MAP9: variants seen among roughly 807,000 people sequenced by gnomAD.
The protein encoded by MAP9 is microtubule associated protein 9, also known as microtubule-associated protein 9.
Under a neutral mutation model 75.2 loss-of-function variants are expected in MAP9, and 80 were observed. The ratio of observed to expected loss-of-function variants is 1.06; its 90% CI spans 0.89 to 1.28. The LOEUF is 1.28. Among genes scored for constraint, MAP9 ranks in the 50% most tolerant of loss-of-function variants. MAP9 has a pLI of 0.00. For missense variants in MAP9, 753 were observed against 719.9 expected (o/e 1.05, Z -0.53); for synonymous variants, 235 against 237.3 (o/e 0.99, Z 0.09).
Position 155,346,236 on chromosome 4 carries a change from A to G in MAP9, c.*1547T>C, listed in dbSNP as rs980290841. Reference sequence around the variant, plus strand: ...TTGCTGAGTTTTCTGATATTCTGATAGTAGTTATAAGATGCCTGAGTAACT... The same window carrying G: ...TTGCTGAGTTTTCTGATATTCTGATGGTAGTTATAAGATGCCTGAGTAACT... On this transcript the variant is annotated 3_prime_UTR_variant, in exon 14 of 14. Coordinates refer to ENST00000311277, the MANE Select transcript of MAP9 (RefSeq NM_001039580.2). 6.6e-6 allele frequency: 1 copy of G among 152,174 alleles called. No individual in the cohort carries two copies. Among genetic ancestry groups the G allele is most frequent in the Non-Finnish European group, 1.5e-5 (1 of 68,028 alleles). 9.4% of individuals were successfully genotyped at this position (152,174 alleles called of 1,614,324 possible). A position where few individuals can be genotyped will look rare whatever the true frequency, so the allele number is the denominator to read the frequency against.
chr4:155,359,848 G>C (rs1731985949), intron 7 of MAP9, among the ~76,000 whole-genome samples: 2 of 151,892 alleles, frequency 1.3e-5, no homozygotes, highest in Non-Finnish European at 2.9e-5. Context: ...AATTATTCCA[G>C]ACAGTTATAT....
chr4:155,350,351 C>T (rs1282559954), intron 13 of MAP9: 5 of 354,948 alleles, frequency 1.4e-5, no homozygotes, highest in Non-Finnish European at 2.7e-5. Flanking sequence ...AGATATCAAA[C>T]ATGTTATTTT....
rs774350296 is a variant in MAP9 at position 155,344,925 on chromosome 4, T to G, written c.*2858A>C. 1.3e-5 allele frequency: 2 copies of G among 151,984 alleles called. No individual in the cohort carries two copies. Among genetic ancestry groups the G allele is most frequent in the African/African-American group, 2.4e-5 (1 of 41,458 alleles). The allele number at this position is 151,984 out of a possible 1,614,324, so 9.4% of individuals were successfully genotyped here. A position where few individuals can be genotyped will look rare whatever the true frequency, so the allele number is the denominator to read the frequency against. ...TTTACTTTGAGATCTCTGCATTCTT[T>G]AAGTGATCAACGCAATTTATAAAAC... On this transcript the variant is annotated 3_prime_UTR_variant, in exon 14 of 14. Transcript: ENST00000311277.
chr4:155,363,725 T>C (rs1308176451), intron 5 of MAP9, among the ~76,000 whole-genome samples: 1 of 151,932 alleles, frequency 6.6e-6, no homozygotes, highest in Non-Finnish European at 1.5e-5. Context: ...ACAAAATAAT[T>C]TAATACAATT....
chr4:155,370,846 TTA>T (rs1386079958), intron 4 of MAP9, among the ~76,000 whole-genome samples: 3 of 152,176 alleles, frequency 2.0e-5, no homozygotes, highest in Non-Finnish European at 4.4e-5. Context: ...ATCAGAACAT[TTA>T]TAGAGTGCTA....
At chr4:155,357,579 G>C in intron 7 of MAP9, 60 bp from the exon 8 acceptor site, 1 of 957,266 alleles carries the variant, frequency 1.0e-6, no homozygotes, top group Non-Finnish European at 1.7e-6. Context: ...TTTAGGCTTA[G>C]AAGCCAAACT....
Position 155,375,647 on chromosome 4 carries a change from ATG to A in MAP9, c.75+127_75+128del, listed in dbSNP as rs201733538. On this transcript the variant is annotated intron_variant, in intron 2 of 13. Coordinates refer to ENST00000311277, the MANE Select transcript of MAP9 (RefSeq NM_001039580.2). ...TACTGGATGGAGCCCAAACATGATC[ATG>A]TGCAAAACCTCAAAAGTAATATAAG... 329 of 502,000 alleles carry A rather than the reference ATG, an allele frequency of 6.6e-4. 1 individual carries two copies. Among genetic ancestry groups the A allele is most frequent in the African/African-American group, 5.9e-3 (301 of 50,698 alleles). The allele number at this position is 502,000 out of a possible 1,614,324, so 31.1% of individuals were successfully genotyped here.
Position 155,347,822 on chromosome 4 carries a change from C to T in MAP9, c.1905G>A (p.Trp635Ter). 6.2e-7 allele frequency: 1 copy of T among 1,610,712 alleles called. No individual in the cohort carries two copies. Among genetic ancestry groups the T allele is most frequent in the Non-Finnish European group, 8.5e-7 (1 of 1,178,254 alleles). ...SFLESEALPP[W>*]SPPSRTVFAK... ...CGAACACAGTTCTGCTTGGAGGGCT[C>T]CACGGAGGAAGTGCCTCACTTTCAA... The change falls in exon 14 of 14, where the codon TGG becomes TGA. Residue 635 changes from tryptophan to a stop codon, truncating the protein, a stop_gained. Coordinates refer to ENST00000311277, the MANE Select transcript of MAP9 (RefSeq NM_001039580.2). LOFTEE classifies it high-confidence loss of function.
chr4:155,350,134 A>C, intron 13 of MAP9: 1 of 330,418 alleles, frequency 3.0e-6, no homozygotes, highest in Non-Finnish European at 5.8e-6. Flanking sequence ...TTACCCACCA[A>C]ATGCTTACTG....
chr4:155,368,248 AC>A, intron 5 of MAP9: 1 of 403,618 alleles, frequency 2.5e-6, no homozygotes, highest in Non-Finnish European at 4.4e-6. Flanking sequence ...TTAAAGATAA[AC>A]ACTATTATAT....
In MAP9 at chr4:155,360,210, A is replaced by C. The variant is rs751679266; in HGVS notation, c.1008T>G (p.Ser336=). Residue 336 remains serine, a synonymous_variant, in exon 7 of 14, where the codon TCT becomes TCG. Coordinates refer to ENST00000311277, the MANE Select transcript of MAP9 (RefSeq NM_001039580.2). ...CACTGGTAGATATTAAGATACTCTG[A>C]GATTTAGATAGTAGTGGATCAACTG... ...DRTVDPLLSK[S]QSILISTSAT... The C allele has an allele frequency of 1.9e-6, 3 of 1,612,656 alleles. No individual in the cohort carries two copies. The highest frequency in any genetic ancestry group is 1.7e-6 in the Non-Finnish European group (2 of 1,178,944).
chr4:155,371,778 A>C (rs1732607887), intron 4 of MAP9, among the ~76,000 whole-genome samples: 1 of 151,764 alleles, frequency 6.6e-6, no homozygotes, highest in Non-Finnish European at 1.5e-5. Context: ...TCTACCATAA[A>C]CTTCTAATTA....
intron 13 of MAP9, among the ~76,000 whole-genome samples, chr4:155,351,916 TGTAAA>T (rs1296142996): frequency 3.3e-5 from 5 of 152,018 alleles, no homozygotes; most frequent in East Asian, 1.9e-4. Context: ...TACCTACTTA[TGTAAA>T]GTATTTATTC....
chr4:155,365,226 T>C (rs1732271421), intron 5 of MAP9, among the ~76,000 whole-genome samples: 1 of 152,046 alleles, frequency 6.6e-6, no homozygotes, highest in African/African-American at 2.4e-5. Context: ...TGGAAACACT[T>C]GTCATAAGAA....
At chr4:155,356,008 C>A in intron 8 of MAP9, 124 bp from the exon 9 acceptor site, 2 of 876,394 alleles carry the variant, frequency 2.3e-6, no homozygotes, top group Non-Finnish European at 1.7e-6. Context: ...CACCTGTAAT[C>A]CCAGCACTTT....
At chr4:155,366,803 G>A (rs1732352127) in intron 5 of MAP9, among the ~76,000 whole-genome samples, 1 of 152,090 alleles carries the variant, frequency 6.6e-6, no homozygotes, top group Admixed American at 6.5e-5. Flanking sequence ...AAAATCAAAT[G>A]TAATGCCAAA....
Position 155,352,674 on chromosome 4 carries a change from CTCATT to C in MAP9, c.1738_1742del (p.Asn580GlufsTer10). On this transcript the variant is annotated frameshift_variant, in exon 13 of 14. Transcript: ENST00000311277. LOFTEE classifies it high-confidence loss of function. ...CTCTTTTCAGTTCTTCCTTTCTTTTCTCATTTATTTTTTCTTTTTCCTTTTGCTTG... is the reference window on the plus strand; with the variant it reads ...CTCTTTTCAGTTCTTCCTTTCTTTTCTATTTTTTCTTTTTCCTTTTGCTTG... 6.5e-7 allele frequency: 1 copy of C among 1,542,498 alleles called. No individual in the cohort carries two copies. Among genetic ancestry groups the C allele is most frequent in the African/African-American group, 1.4e-5 (1 of 72,050 alleles).
At chr4:155,374,152 G>A (rs1732729494) in intron 3 of MAP9, among the ~76,000 whole-genome samples, 2 of 151,924 alleles carry the variant, frequency 1.3e-5, no homozygotes, top group Non-Finnish European at 2.9e-5. Context: ...CAGCCTGGCC[G>A]ATGTGGTGAA....
At chr4:155,358,411 T>C (rs945965946) in intron 7 of MAP9, among the ~76,000 whole-genome samples, 30 of 152,206 alleles carry the variant, frequency 2.0e-4, no homozygotes, top group African/African-American at 7.2e-4. Flanking sequence ...ATGATATACC[T>C]GGAACATGGC....
Sources: gnomAD v4.1 joint callset for allele counts (sites outside exome capture counted in the v4.1 genomes callset) on GRCh38, gnomAD v4.1.1 for gene constraint, MANE v1.5 for transcripts, NCBI Gene and HGNC (gene_info 2026-07-23, HGNC 2026-07-21) for gene names.